The following AIG1 variants were observed in gnomAD, a reference collection of about 807,000 sequenced individuals.
AIG1 encodes androgen induced 1.
AIG1 carries 23 observed loss-of-function variants against 31.4 expected under a neutral mutation model. The observed-to-expected ratio is 0.73, with a 90% CI of 0.53 to 1.04. The LOEUF (loss-of-function observed/expected upper bound fraction) is 1.04. AIG1 is among the 50% of genes least tolerant of loss of function. The pLI, the probability that AIG1 is intolerant of heterozygous loss-of-function variation, is 0.00. For missense variants in AIG1, 274 were observed against 295.0 expected (o/e 0.93, Z 0.52); for synonymous variants, 100 against 110.5 (o/e 0.90, Z 0.60).
intron 1 of AIG1, among the ~76,000 whole-genome samples, chr6:143,078,991 C>T (rs912418115): frequency 6.6e-6 from 1 of 152,138 alleles, no homozygotes; most frequent in Non-Finnish European, 1.5e-5. Flanking sequence ...ATGGTTTCTG[C>T]AGCCAGAAAG....
In AIG1 at chr6:143,190,350, C is replaced by T. The variant is rs866574083; in HGVS notation, c.399+25167C>T. The stretch of plus-strand genomic sequence containing the variant: ...CTTTTGATGCTTGAGGCTCCTCATG[C>T]CCTTGCTCTCCCACTGACCTCAGTG... On this transcript the variant is annotated intron_variant, in intron 3 of 5. Coordinates refer to ENST00000357847, the MANE Select transcript of AIG1 (RefSeq NM_016108.4). 16 of 985,324 alleles carry T rather than the reference C, an allele frequency of 1.6e-5. No individual in the cohort carries two copies. The South Asian group carries it at 7.0e-4, about 43-fold the overall frequency. The allele number at this position is 985,324 out of a possible 1,614,324, so 61.0% of individuals were successfully genotyped here.
At chr6:143,269,396 A>G (rs1362068277) in intron 3 of AIG1, among the ~76,000 whole-genome samples, 4 of 152,158 alleles carry the variant, frequency 2.6e-5, no homozygotes, top group African/African-American at 9.7e-5. Flanking sequence ...TCATTTGGAA[A>G]ACTCTTTGAC....
intron 3 of AIG1, among the ~76,000 whole-genome samples, chr6:143,263,771 C>T (rs1383905276): frequency 6.6e-6 from 1 of 151,950 alleles, no homozygotes; most frequent in African/African-American, 2.4e-5. Flanking sequence ...AATATTCCAC[C>T]GAGTGGATAT....
At chr6:143,229,537 G>C (rs902439985) in intron 3 of AIG1, among the ~76,000 whole-genome samples, 1 of 152,030 alleles carries the variant, frequency 6.6e-6, no homozygotes, top group East Asian at 1.9e-4. Context: ...AGAACATGTA[G>C]ACCATCATTA....
At chr6:143,201,898 T>C (rs2128607276) in intron 3 of AIG1, among the ~76,000 whole-genome samples, 1 of 152,316 alleles carries the variant, frequency 6.6e-6, no homozygotes, top group Non-Finnish European at 1.5e-5. Context: ...AGTAGAGCCA[T>C]CCTTACGTTT....
intron 3 of AIG1, among the ~76,000 whole-genome samples, chr6:143,200,615 C>T (rs576912232): frequency 5.3e-5 from 8 of 152,250 alleles, no homozygotes; most frequent in Admixed American, 3.3e-4. Flanking sequence ...CAGTGACCGC[C>T]GTGTTGACCA....
At chr6:143,105,233 G>A (rs761987311) in intron 1 of AIG1, among the ~76,000 whole-genome samples, 7 of 152,140 alleles carry the variant, frequency 4.6e-5, no homozygotes, top group Non-Finnish European at 7.3e-5. Context: ...CTGAGAGAAC[G>A]TACATTACAC....
chr6:143,097,563 G>C (rs1779906318), intron 1 of AIG1, among the ~76,000 whole-genome samples: 2 of 152,130 alleles, frequency 1.3e-5, no homozygotes, highest in Admixed American at 1.3e-4. Context: ...AATATCCAAT[G>C]AGCGCTCCGT....
At chr6:143,202,645 A>G (rs887539555) in intron 3 of AIG1, among the ~76,000 whole-genome samples, 1 of 152,180 alleles carries the variant, frequency 6.6e-6, no homozygotes, top group African/African-American at 2.4e-5. Flanking sequence ...GAGAATCTGC[A>G]GTTTAGGTGC....
At chr6:143,209,199 T>G (rs1191848823) in intron 3 of AIG1, among the ~76,000 whole-genome samples, 2 of 152,230 alleles carry the variant, frequency 1.3e-5, no homozygotes, top group South Asian at 2.1e-4. Context: ...TGTGATCCAT[T>G]TACCACGTAC....
rs1051900165 is a variant in AIG1, at chr6:143,325,256, G to C, written c.516-8026G>C. On this transcript the variant is annotated intron_variant, in intron 4 of 5. Transcript: ENST00000357847. The surrounding 1 kb of genome is among the most constrained non-coding windows in gnomAD (Gnocchi z 4.3). ...TCTCCTTTTTAGGCTCATCATCCTT[G>C]ACCTTATCCCTTAAATCTTAACCTT... is the stretch of plus-strand genomic sequence containing the variant. Among the ~76,000 whole-genome samples the C allele has an allele frequency of 6.6e-6, 1 of 151,984 alleles. No individual in the cohort carries two copies. The highest frequency in any genetic ancestry group is 2.4e-5 in the African/African-American group (1 of 41,354).
intron 1 of AIG1, among the ~76,000 whole-genome samples, chr6:143,114,144 C>G (rs1224771486): frequency 6.6e-6 from 1 of 152,172 alleles, no homozygotes; most frequent in Non-Finnish European, 1.5e-5. Context: ...ACATAGGTAA[C>G]TGCTTTCATT....
intron 1 of AIG1, among the ~76,000 whole-genome samples, chr6:143,067,733 TCAAAACCACA>T (rs1776846060): frequency 6.6e-6 from 1 of 152,206 alleles, no homozygotes; most frequent in Admixed American, 6.5e-5. Context: ...GTTTTGCCAG[TCAAAACCACA>T]CATTGCCACG....
At chr6:143,312,654 A>G (rs1438373695) in intron 4 of AIG1, among the ~76,000 whole-genome samples, 2 of 152,072 alleles carry the variant, frequency 1.3e-5, no homozygotes, top group Non-Finnish European at 2.9e-5. Context: ...CTGGCCAAAG[A>G]TTTCTTGAGA....
chr6:143,060,437 T>G (rs1776117935), upstream of AIG1: 1 of 207,606 alleles, frequency 4.8e-6, no homozygotes, highest in Non-Finnish European at 1.1e-5. Flanking sequence ...GCGGGAACAT[T>G]TGTGGACACT....
rs185878097 is a variant in AIG1, at chr6:143,247,445, C to G, written c.400-36665C>G. On this transcript the variant is annotated intron_variant, in intron 3 of 5. Coordinates refer to ENST00000357847, the MANE Select transcript of AIG1 (RefSeq NM_016108.4). ...GATCACATACTTCCCATATTGCTGA[C>G]TTTTAGTTTCCAGTTATTTCTGGAG... is the stretch of plus-strand genomic sequence containing the variant. Among the ~76,000 whole-genome samples, 471 of 152,326 alleles carry G rather than the reference C, an allele frequency of 3.1e-3. 5 individuals carry two copies. The highest frequency in any genetic ancestry group is 3.9e-3 in the Non-Finnish European group (265 of 68,028).
chr6:143,176,481 G>T (rs752793076), intron 3 of AIG1, among the ~76,000 whole-genome samples: 19 of 152,248 alleles, frequency 1.2e-4, no homozygotes, highest in African/African-American at 3.9e-4. Flanking sequence ...ACAGAGTTCA[G>T]CATGTCTGAG....
chr6:143,334,176 G>A lies in AIG1; in HGVS notation c.679+731G>A, dbSNP rs527361293. ...ATAAAAATTGAAAGGTGGAAAAAGC[G>A]CCAGCACAGACATGTAGTGATTGAG... On this transcript the variant is annotated intron_variant, in intron 5 of 5. Coordinates refer to ENST00000357847, the MANE Select transcript of AIG1 (RefSeq NM_016108.4). The surrounding 1 kb of genome is among the most constrained non-coding windows in gnomAD (Gnocchi z 5.1). 4.6e-4 allele frequency: 652 copies of A among 1,413,480 alleles called. No homozygotes were observed. Among genetic ancestry groups the A allele is most frequent in the South Asian group, 7.1e-4 (55 of 77,940 alleles). 87.6% of individuals were successfully genotyped at this position (1,413,480 alleles called of 1,614,324 possible).
chr6:143,108,144 G>A (rs1780963168), intron 1 of AIG1, among the ~76,000 whole-genome samples: 1 of 152,148 alleles, frequency 6.6e-6, no homozygotes, highest in African/African-American at 2.4e-5. Flanking sequence ...TAACAGAAGC[G>A]ACTCTGCAGC....
Sources: gnomAD v4.1 joint callset for allele counts (sites outside exome capture counted in the v4.1 genomes callset) on GRCh38, gnomAD v4.1.1 for gene constraint, Gnocchi (gnomAD v3.1) non-coding constraint, MANE v1.5 for transcripts, NCBI Gene and HGNC (gene_info 2026-07-23, HGNC 2026-07-21) for gene names.